The following PRDM10 variants were observed in gnomAD, a reference collection of about 807,000 sequenced individuals.
The protein encoded by PRDM10 is PR domain zinc finger protein 10.
A neutral mutation model predicts 133.1 loss-of-function variants in PRDM10; 65 were observed. The observed-to-expected ratio is 0.49, with a 90% confidence interval of 0.40 to 0.60. The LOEUF (loss-of-function observed/expected upper bound fraction) is 0.60. Ranked by LOEUF, PRDM10 falls within the 20% of genes least tolerant of loss-of-function variation. The pLI is 0.00. For synonymous variants in PRDM10, 582 were observed against 580.4 expected (o/e 1.00, Z -0.04); for missense variants, 1,137 against 1,507.1 (o/e 0.75, Z 4.07).
At chr11:129,913,615 G>T (rs1415421033) in intron 17 of PRDM10, among the ~76,000 whole-genome samples, 1 of 152,170 alleles carries the variant, frequency 6.6e-6, no homozygotes, top group Non-Finnish European at 1.5e-5. Context: ...TGAAAAAGTA[G>T]CTAAAGTACA....
At chr11:129,954,009 T>TA (rs1222906625) in intron 4 of PRDM10, among the ~76,000 whole-genome samples, 1 of 149,406 alleles carries the variant, frequency 6.7e-6, no homozygotes, top group Non-Finnish European at 1.5e-5. Flanking sequence ...CTAAGTATTA[T>TA]AAAAAATTAT....
At chr11:129,980,547 G>A (rs927576653) in intron 1 of PRDM10, among the ~76,000 whole-genome samples, 1 of 152,088 alleles carries the variant, frequency 6.6e-6, no homozygotes, top group African/African-American at 2.4e-5. Context: ...TGGAAAAATT[G>A]TCTCCCACAA....
chr11:129,913,536 G>A (rs974701689), intron 17 of PRDM10, among the ~76,000 whole-genome samples: 14 of 152,230 alleles, frequency 9.2e-5, no homozygotes, highest in South Asian at 2.1e-4. Context: ...AAAGAAATTC[G>A]TTTTTAGTTT....
chr11:129,913,153 G>A (rs1480832803), intron 17 of PRDM10, among the ~76,000 whole-genome samples: 1 of 149,342 alleles, frequency 6.7e-6, no homozygotes, highest in Non-Finnish European at 1.5e-5. Context: ...GGGAGGCGGA[G>A]GTTGCAGTGA....
At chr11:129,995,372 C>T (rs1454536482) in intron 1 of PRDM10, among the ~76,000 whole-genome samples, 1 of 152,158 alleles carries the variant, frequency 6.6e-6, no homozygotes, top group East Asian at 1.9e-4. Context: ...TACTTTCTCT[C>T]CTTTGCAAAA....
intron 1 of PRDM10, among the ~76,000 whole-genome samples, chr11:129,997,500 A>C (rs934397481): frequency 6.6e-6 from 1 of 152,240 alleles, no homozygotes; most frequent in Non-Finnish European, 1.5e-5. Context: ...AAAGGAAAAA[A>C]AAAAGACAGT....
intron 2 of PRDM10, 27 bp downstream of exon 2, chr11:129,960,869 A>G: frequency 6.2e-7 from 1 of 1,613,204 alleles, no homozygotes. Context: ...ACCTCTCAAT[A>G]CCAAGCTGGA....
intron 4 of PRDM10, among the ~76,000 whole-genome samples, chr11:129,950,821 G>A (rs560162941): frequency 3.3e-4 from 50 of 152,248 alleles, no homozygotes; most frequent in South Asian, 1.0e-3. Context: ...TAGTAAAACC[G>A]CGATGTATTT....
intron 11 of PRDM10, among the ~76,000 whole-genome samples, chr11:129,926,556 G>A (rs1950684557): frequency 6.6e-6 from 1 of 152,120 alleles, no homozygotes; most frequent in South Asian, 2.1e-4. Flanking sequence ...CATCATGTGA[G>A]GAAAACAAAA....
chr11:129,955,432 G>A (rs1951677887), intron 4 of PRDM10, 80 bp downstream of exon 4: 1 of 1,327,042 alleles, frequency 7.5e-7, no homozygotes, highest in African/African-American at 1.5e-5. Context: ...CAGAGATGGT[G>A]CAGTGCAAAG....
At chr11:129,957,438 C>T (rs1951716325) in intron 3 of PRDM10, among the ~76,000 whole-genome samples, 1 of 152,170 alleles carries the variant, frequency 6.6e-6, no homozygotes, top group South Asian at 2.1e-4. Context: ...CTGCCTCAGC[C>T]TCCCACGTAG....
chr11:129,904,010 C>T (rs889236602), intron 20 of PRDM10, among the ~76,000 whole-genome samples: 8 of 152,108 alleles, frequency 5.3e-5, no homozygotes, highest in Non-Finnish European at 1.0e-4. Flanking sequence ...AAAAAATGTC[C>T]TGATCATGCC....
chr11:129,995,937 C>T (rs998860134), intron 1 of PRDM10, among the ~76,000 whole-genome samples: 1 of 151,124 alleles, frequency 6.6e-6, no homozygotes, highest in Non-Finnish European at 1.5e-5. Flanking sequence ...CAGAGCGGGA[C>T]TCTGTCTCAA....
At chr11:129,985,407 A>G (rs1325022403) in intron 1 of PRDM10, among the ~76,000 whole-genome samples, 2 of 152,152 alleles carry the variant, frequency 1.3e-5, no homozygotes, top group African/African-American at 2.4e-5. Flanking sequence ...CTCGTACAAT[A>G]CAACTGTCAA....
chr11:130,000,924 T>G (rs1389369178), intron 1 of PRDM10, among the ~76,000 whole-genome samples: 1 of 152,024 alleles, frequency 6.6e-6, no homozygotes, highest in Admixed American at 6.6e-5. Flanking sequence ...CTGGGCAAAA[T>G]GATGAAACCC....
intron 1 of PRDM10, among the ~76,000 whole-genome samples, chr11:129,970,843 A>AC (rs990253737): frequency 2.0e-5 from 3 of 151,766 alleles, no homozygotes; most frequent in Admixed American, 1.3e-4. Flanking sequence ...ACGGCACCCG[A>AC]CCCCCCTTCT....
intron 15 of PRDM10, 56 bp from the exon 16 acceptor site, chr11:129,915,916 A>T: frequency 6.7e-7 from 1 of 1,485,744 alleles, no homozygotes. Flanking sequence ...TTTCTTGCTT[A>T]AAGCAAACTA....
At position 129,914,893 on chromosome 11, in the gene PRDM10, G is replaced by A. The variant is rs367829574; in HGVS notation, c.2652C>T (p.Ala884=). The change falls in exon 17 of 21, where the codon GCC becomes GCT. Residue 884 remains alanine (A), a synonymous_variant. Transcript: ENST00000360871. ...CCGTCGTCACCACAGTCTCTCCAGT[G>A]GCGCTGTCTGTAGTCAAAACCGCTG... ...ATPAVLTTDS[A]TGETVVTTDL... 2.7e-5 allele frequency: 43 copies of A among 1,614,034 alleles called. No individual in the cohort carries two copies. The highest frequency in any genetic ancestry group is 3.5e-5 in the Non-Finnish European group (41 of 1,180,036).
At chr11:129,959,160 A>G (rs1173458641) in intron 2 of PRDM10, among the ~76,000 whole-genome samples, 1 of 152,218 alleles carries the variant, frequency 6.6e-6, no homozygotes, top group Non-Finnish European at 1.5e-5. Flanking sequence ...AGATAATATA[A>G]ACTAATTTAA....
Sources: gnomAD v4.1 joint callset for allele counts (sites outside exome capture counted in the v4.1 genomes callset) on GRCh38, gnomAD v4.1.1 for gene constraint, MANE v1.5 for transcripts, NCBI Gene and HGNC (gene_info 2026-07-23, HGNC 2026-07-21) for gene names.